Variants in LTBP1 observed in about 807,000 individuals in gnomAD.
LTBP1 encodes the protein latent-transforming growth factor beta-binding protein 1.
Under a neutral mutation model 207.6 loss-of-function variants are expected in LTBP1, and 129 were observed. The ratio of observed to expected loss-of-function variants is 0.62; its 90% CI spans 0.54 to 0.72. LTBP1 has a LOEUF of 0.72. LTBP1 is among the 30% of genes least tolerant of loss of function. The pLI, the probability that LTBP1 is intolerant of heterozygous loss-of-function variation, is 0.00. For missense variants in LTBP1, 2,281 were observed against 2,217.2 expected, an observed-to-expected ratio of 1.03 and a Z score of -0.58; for synonymous variants, 963 against 833.7, an observed-to-expected ratio of 1.16 and a Z score of -2.67.
chr2:33,014,844 A>C (rs1009075966), intron 2 of LTBP1, among the ~76,000 whole-genome samples: 1 of 152,158 alleles, frequency 6.6e-6, no homozygotes, highest in Non-Finnish European at 1.5e-5. Flanking sequence ...GACTGTTTCA[A>C]ATGATGAAAG....
intron 4 of LTBP1, among the ~76,000 whole-genome samples, chr2:33,115,037 T>TATACACACACACACAC (rs869158793): frequency 1.1e-3 from 161 of 145,260 alleles, no homozygotes; most frequent in Middle Eastern, 3.5e-3. Flanking sequence ...AACAGATATA[T>TATACACACACACACAC]ACACACACAC....
In LTBP1 at chr2:33,000,619, G is replaced by A. The variant is rs895250510; in HGVS notation, c.566-20290G>A. Among the ~76,000 whole-genome samples, 3 of 135,368 alleles carry A rather than the reference G, an allele frequency of 2.2e-5. 1 individual carries two copies. The highest frequency in any genetic ancestry group is 4.9e-5 in the Non-Finnish European group (3 of 61,400). The allele number at this position is 135,368 out of a possible 152,430, so 88.8% of individuals were successfully genotyped here. ...TGTAAGGCGGTCTCCTGTGCAGCCC[G>A]CCGCCACTGGACTGTCTCCTGTCTG... is the stretch of plus-strand genomic sequence containing the variant. On this transcript the variant is annotated intron_variant, in intron 2 of 33. Coordinates refer to ENST00000404816, the MANE Select transcript of LTBP1 (RefSeq NM_206943.4).
rs1391382272 is a variant in LTBP1, at chr2:33,360,752, A to G, written c.4156A>G (p.Ile1386Val). Reference sequence around the variant, plus strand: ...CGTGGGATGGGGAGATAACTGCGAAATCTTCCCCTGCCCGGTCTTGGGAAC... The same window carrying G: ...CGTGGGATGGGGAGATAACTGCGAAGTCTTCCCCTGCCCGGTCTTGGGAAC... Reference protein sequence around the residue: ...SGVGWGDNCEIFPCPVLGTAE... With the variant: ...SGVGWGDNCEVFPCPVLGTAE... The change falls in exon 27 of 34, where the codon ATC (isoleucine) becomes GTC (valine). Residue 1386 changes from isoleucine to valine, a missense_variant. By Grantham distance (29) the Ile-to-Val change is conservative (BLOSUM62 3). This residue lies in a region of LTBP1 where 1,671 missense variants were observed against 1,634.8 expected (regional missense o/e 1.02). Transcript: ENST00000404816. 7 of 1,613,888 alleles carry G rather than the reference A, an allele frequency of 4.3e-6. No individual in the cohort carries two copies. Among genetic ancestry groups the G allele is most frequent in the African/African-American group, 1.3e-5 (1 of 74,900 alleles).
chr2:33,225,336 G>A (rs985142825), intron 9 of LTBP1, among the ~76,000 whole-genome samples: 1 of 152,084 alleles, frequency 6.6e-6, no homozygotes, highest in African/African-American at 2.4e-5. Flanking sequence ...TTTAACTGTT[G>A]TATTAGTCCG....
At chr2:33,243,288 C>G (rs922194751) in intron 9 of LTBP1, among the ~76,000 whole-genome samples, 3 of 152,142 alleles carry the variant, frequency 2.0e-5, no homozygotes, top group African/African-American at 7.2e-5. Flanking sequence ...TTAAGTTTTT[C>G]AAATATTCAT....
intron 10 of LTBP1, among the ~76,000 whole-genome samples, chr2:33,244,972 G>A (rs569809708): frequency 2.6e-5 from 4 of 152,146 alleles, no homozygotes; most frequent in South Asian, 2.1e-4. Flanking sequence ...TCTGCCTCCC[G>A]GGTTCCAATG....
intron 24 of LTBP1, among the ~76,000 whole-genome samples, chr2:33,320,541 G>T (rs2094339556): frequency 1.3e-5 from 2 of 152,140 alleles, no homozygotes; most frequent in African/African-American, 4.8e-5. Context: ...GAAATTTTCT[G>T]AGTGAAGAAA....
intron 7 of LTBP1, among the ~76,000 whole-genome samples, chr2:33,195,418 G>A (rs1202952429): frequency 6.6e-6 from 1 of 152,116 alleles, no homozygotes; most frequent in South Asian, 2.1e-4. Context: ...ACTTGAAAAT[G>A]TCAAATCCCA....
At chr2:33,274,571 A>G (rs987643738) in intron 16 of LTBP1, among the ~76,000 whole-genome samples, 13 of 152,342 alleles carry the variant, frequency 8.5e-5, no homozygotes, top group African/African-American at 3.1e-4. Context: ...TAGAAAGGCA[A>G]CAGAGATGAC....
chr2:33,008,079 A>G (rs1418613478), intron 2 of LTBP1, among the ~76,000 whole-genome samples: 3 of 152,124 alleles, frequency 2.0e-5, no homozygotes, highest in Admixed American at 2.0e-4. Flanking sequence ...GTTGATTTGC[A>G]AGTTGGCAGT....
intron 3 of LTBP1, among the ~76,000 whole-genome samples, chr2:33,023,630 T>C (rs2075280046): frequency 1.3e-5 from 2 of 152,192 alleles, no homozygotes; most frequent in South Asian, 4.1e-4. Flanking sequence ...TTGGGTGCCA[T>C]CAATCCTGAT....
intron 3 of LTBP1, among the ~76,000 whole-genome samples, chr2:33,078,857 C>CTTTT (rs879714056): frequency 0.12 from 10,460 of 89,826 alleles, 1,288 homozygotes; most frequent in Non-Finnish European, 0.15. Flanking sequence ...CTTTTCTTTT[C>CTTTT]TTTTCTTTTT....
chr2:33,112,514 A>T (rs573867342), intron 4 of LTBP1, among the ~76,000 whole-genome samples: 1 of 151,434 alleles, frequency 6.6e-6, no homozygotes, highest in Non-Finnish European at 1.5e-5. Context: ...TCTCTGCTCA[A>T]ACCCCCTAAA....
intron 2 of LTBP1, among the ~76,000 whole-genome samples, chr2:33,005,375 G>A (rs533542664): frequency 6.6e-6 from 1 of 152,250 alleles, no homozygotes; most frequent in African/African-American, 2.4e-5. Flanking sequence ...AGCTGGGGTT[G>A]TTGGCTGGGG....
At chr2:32,984,829 G>A (rs1683297477) in intron 2 of LTBP1, among the ~76,000 whole-genome samples, 1 of 152,006 alleles carries the variant, frequency 6.6e-6, no homozygotes, top group South Asian at 2.1e-4. Flanking sequence ...TACTTAGAAA[G>A]CTGAGGCAGG....
At chr2:33,370,742 C>G (rs879778952) in intron 31 of LTBP1, among the ~76,000 whole-genome samples, 20 of 152,120 alleles carry the variant, frequency 1.3e-4, no homozygotes, top group Non-Finnish European at 2.5e-4. Flanking sequence ...TGGACTAATC[C>G]CAGCCTGTCA....
At chr2:33,196,530 T>C (rs116228065) in intron 7 of LTBP1, among the ~76,000 whole-genome samples, 3,748 of 152,080 alleles carry the variant, frequency 0.025, 60 homozygotes, top group Middle Eastern at 0.041. Context: ...AGAAGTCAAG[T>C]TGAAAAAAAA....
At chr2:33,273,223 G>A (rs1347071638) in intron 15 of LTBP1, among the ~76,000 whole-genome samples, 2 of 152,094 alleles carry the variant, frequency 1.3e-5, no homozygotes, top group Admixed American at 6.5e-5. Context: ...GCCTGCTAAA[G>A]AATGGAAAGT....
chr2:33,396,306 C>T (rs539343030), intron 32 of LTBP1, among the ~76,000 whole-genome samples: 1 of 152,136 alleles, frequency 6.6e-6, no homozygotes, highest in African/African-American at 2.4e-5. Flanking sequence ...CTGCATCCTC[C>T]ACCTCTCAGG....
Sources: allele counts gnomAD v4.1 joint callset (sites outside exome capture counted in the v4.1 genomes callset), GRCh38; gene constraint gnomAD v4.1.1; regional missense constraint gnomAD v4.1.1; transcripts MANE v1.5; gene names NCBI Gene and HGNC (gene_info 2026-07-23, HGNC 2026-07-21).